Variants in PCDHA11 observed in about 807,000 individuals in gnomAD.
The protein encoded by PCDHA11 is protocadherin alpha 11, also known as protocadherin alpha-11.
PCDHA11 carries 61 observed loss-of-function variants against 70.3 expected under a neutral mutation model. The observed-to-expected ratio is 0.87, with a 90% CI of 0.71 to 1.07. The LOEUF (loss-of-function observed/expected upper bound fraction) is 1.07. Ranked by LOEUF, PCDHA11 falls within the 50% of genes least tolerant of loss-of-function variation. The pLI, the probability that PCDHA11 is intolerant of heterozygous loss-of-function variation, is 0.00. For missense variants in PCDHA11, 1,324 were observed against 1,237.5 expected (o/e 1.07, Z -1.05); for synonymous variants, 633 against 555.1 (o/e 1.14, Z -1.97).
chr5:140,879,101 A>G (rs2153365508), intron 1 of PCDHA11, among the ~76,000 whole-genome samples: 1 of 152,330 alleles, frequency 6.6e-6, no homozygotes, highest in East Asian at 1.9e-4. Context: ...TGCACAGTAT[A>G]TGGTGTAATT....
chr5:141,005,563 A>G (rs938722871), intron 3 of PCDHA11, among the ~76,000 whole-genome samples: 4 of 151,458 alleles, frequency 2.6e-5, no homozygotes, highest in East Asian at 1.9e-4. Context: ...TTAGCCGGGC[A>G]TGGTGGCGCG....
At chr5:140,915,059 C>T (rs1554196724) in intron 1 of PCDHA11, among the ~76,000 whole-genome samples, 1 of 151,706 alleles carries the variant, frequency 6.6e-6, no homozygotes, top group Non-Finnish European at 1.5e-5. Flanking sequence ...GATTCTCCTG[C>T]CTTAGCCTAC....
At position 140,869,920 on chromosome 5, in the gene PCDHA11, G is replaced by A. The variant is rs1554163605; in HGVS notation, c.817G>A (p.Val273Ile). ...AAACGCCACAGACCGAGACGAAGGA[G>A]TCAATGGAGAGGTAACATACTCCTT... ...KLNATDRDEGVNGEVTYSLMS... is the reference protein window; with the variant it reads ...KLNATDRDEGINGEVTYSLMS... Residue 273 changes from valine (V) to isoleucine (I), a missense_variant, in exon 1 of 4, where the codon GTC (valine) becomes ATC (isoleucine). Physicochemically the swap from Val to Ile is conservative, Grantham distance 29. Coordinates refer to ENST00000398640, the MANE Select transcript of PCDHA11 (RefSeq NM_018902.5). 2 of 1,611,398 alleles carry A rather than the reference G, an allele frequency of 1.2e-6. No homozygotes were observed. The highest frequency in any genetic ancestry group is 1.7e-6 in the Non-Finnish European group (2 of 1,178,670).
intron 1 of PCDHA11, among the ~76,000 whole-genome samples, chr5:140,953,564 G>C (rs2094904127): frequency 6.6e-6 from 1 of 152,058 alleles, no homozygotes; most frequent in Non-Finnish European, 1.5e-5. Context: ...AAGTTTTAGT[G>C]CCCTCCTCTC....
intron 1 of PCDHA11, chr5:140,927,599 C>T (rs1250728851): frequency 6.2e-7 from 1 of 1,614,070 alleles, no homozygotes; most frequent in African/African-American, 1.3e-5. Context: ...TTTGAGCGCT[C>T]CGTATACCGC....
chr5:140,922,790 C>G (rs1174493923), intron 1 of PCDHA11, among the ~76,000 whole-genome samples: 3 of 152,074 alleles, frequency 2.0e-5, no homozygotes, highest in African/African-American at 7.2e-5. Flanking sequence ...AAAACTGTAG[C>G]TTTGGAATAC....
At position 140,871,461 on chromosome 5, in the gene PCDHA11, A is replaced by C; in HGVS notation, c.2358A>C (p.Glu786Asp). ...GTCTGAATAAAGAGGAGGAAGGGGA[A>C]AGACAGGAGCCAGGGTCAAATCACC... ...PLGLNKEEEGERQEPGSNHPG... is the reference protein window; with the variant it reads ...PLGLNKEEEGDRQEPGSNHPG... Residue 786 changes from glutamate to aspartate, a missense_variant, in exon 1 of 4, where the codon GAA becomes GAC. Coordinates refer to ENST00000398640, the MANE Select transcript of PCDHA11 (RefSeq NM_018902.5). 2 of 1,605,278 alleles carry C rather than the reference A, an allele frequency of 1.2e-6. No individual in the cohort carries two copies. The highest frequency in any genetic ancestry group is 2.2e-5 in the South Asian group (2 of 90,120).
At chr5:140,921,676 T>A (rs2080324583) in intron 1 of PCDHA11, among the ~76,000 whole-genome samples, 1 of 152,178 alleles carries the variant, frequency 6.6e-6, no homozygotes, top group South Asian at 2.1e-4. Flanking sequence ...ACAGTTATCA[T>A]CAAACACTGG....
At chr5:140,885,176 G>A (rs965470861) in intron 1 of PCDHA11, among the ~76,000 whole-genome samples, 1 of 151,510 alleles carries the variant, frequency 6.6e-6, no homozygotes. Context: ...TGTCCTCTAG[G>A]CACATCAGTG....
At position 140,882,980 on chromosome 5, in the gene PCDHA11, A is replaced by T. The variant is rs782593392; in HGVS notation, c.2391+11486A>T. On this transcript the variant is annotated intron_variant, in intron 1 of 3. Coordinates refer to ENST00000398640, the MANE Select transcript of PCDHA11 (RefSeq NM_018902.5). ...CATCACGATTCTGGACGTGAATGAC[A>T]ACGCCCCGGAATTTTACCAATCCGT... 34 of 1,614,072 alleles carry T rather than the reference A, an allele frequency of 2.1e-5. No homozygotes were observed. Among genetic ancestry groups the T allele is most frequent in the African/African-American group, 2.7e-5 (2 of 74,926 alleles).
Position 140,869,536 on chromosome 5 carries a change from T to G in PCDHA11, c.433T>G (p.Ser145Ala). 6.2e-7 allele frequency: 1 copy of G among 1,614,170 alleles called. No homozygotes were observed. The highest frequency in any genetic ancestry group is 8.5e-7 in the Non-Finnish European group (1 of 1,180,030). ...LREQKLLIAESKQSDSRFPLE... is the reference protein window; with the variant it reads ...LREQKLLIAEAKQSDSRFPLE... The stretch of plus-strand genomic sequence containing the variant: ...AGAACAAAAGCTGCTGATTGCGGAA[T>G]CTAAGCAATCGGACTCGCGTTTTCC... The change falls in exon 1 of 4, where the codon TCT becomes GCT. Residue 145 changes from serine to alanine, a missense_variant. Transcript: ENST00000398640.
intron 1 of PCDHA11, chr5:140,928,482 TG>T (rs782531828): frequency 6.2e-7 from 1 of 1,614,024 alleles, no homozygotes; most frequent in African/African-American, 1.3e-5. Context: ...GCCGGGATGG[TG>T]GCATTCCTCC....
At chr5:140,894,569 CT>C (rs556288790) in intron 1 of PCDHA11, among the ~76,000 whole-genome samples, 1 of 151,328 alleles carries the variant, frequency 6.6e-6, no homozygotes, top group Non-Finnish European at 1.5e-5. Flanking sequence ...AATTATTTTC[CT>C]TTTTTTTAAT....
In PCDHA11 at chr5:140,870,411, C is replaced by T; in HGVS notation, c.1308C>T (p.Ala436=). ...ARDGGSPSLW[A]TARVSVEVAD... ...ATGGGGGTTCGCCTTCTCTGTGGGC[C>T]ACGGCCAGGGTATCCGTGGAGGTGG... The change falls in exon 1 of 4, where the codon GCC becomes GCT. Residue 436 remains alanine, a synonymous_variant. Coordinates refer to ENST00000398640, the MANE Select transcript of PCDHA11 (RefSeq NM_018902.5). The T allele has an allele frequency of 6.2e-7, 1 of 1,614,212 alleles. No individual in the cohort carries two copies. Among genetic ancestry groups the T allele is most frequent in the East Asian group, 2.2e-5 (1 of 44,874 alleles).
intron 1 of PCDHA11, among the ~76,000 whole-genome samples, chr5:140,971,869 A>G (rs1277835883): frequency 1.3e-5 from 2 of 152,182 alleles, no homozygotes; most frequent in Non-Finnish European, 2.9e-5. Flanking sequence ...AACATCTAGC[A>G]TATGAGGAAA....
intron 1 of PCDHA11, among the ~76,000 whole-genome samples, chr5:140,932,800 C>A (rs1041924506): frequency 6.6e-6 from 1 of 151,684 alleles, no homozygotes; most frequent in Non-Finnish European, 1.5e-5. Context: ...AAAAGCAATA[C>A]CTTGGAAACA....
intron 1 of PCDHA11, among the ~76,000 whole-genome samples, chr5:140,871,781 T>C (rs2053304252): frequency 6.6e-6 from 1 of 152,238 alleles, no homozygotes. Flanking sequence ...CTGTAGTCAC[T>C]TGAGTAGAAA....
chr5:140,933,677 T>C (rs1024721491), intron 1 of PCDHA11, among the ~76,000 whole-genome samples: 1 of 151,826 alleles, frequency 6.6e-6, no homozygotes, highest in Non-Finnish European at 1.5e-5. Flanking sequence ...CTCTCTCACA[T>C]TTTTTTTCCT....
chr5:140,879,761 G>A (rs2058106657), intron 1 of PCDHA11, among the ~76,000 whole-genome samples: 1 of 152,152 alleles, frequency 6.6e-6, no homozygotes, highest in South Asian at 2.1e-4. Flanking sequence ...TACTCTCTTT[G>A]GAGGCCCCAG....
Sources: gnomAD v4.1 joint callset for allele counts (sites outside exome capture counted in the v4.1 genomes callset) on GRCh38, gnomAD v4.1.1 for gene constraint, MANE v1.5 for transcripts, NCBI Gene and HGNC (gene_info 2026-07-23, HGNC 2026-07-21) for gene names.